The following ATRNL1 variants were observed in gnomAD, a reference collection of about 807,000 sequenced individuals.
ATRNL1 encodes attractin like 1.
ATRNL1 carries 95 observed loss-of-function variants against 182.7 expected under a neutral mutation model. The ratio of observed to expected loss-of-function variants is 0.52; its 90% CI spans 0.44 to 0.62. The LOEUF (loss-of-function observed/expected upper bound fraction) is 0.62, where lower values mean the gene tolerates loss of function less well. Ranked by LOEUF, ATRNL1 falls within the 20% of genes least tolerant of loss-of-function variation. The pLI, the probability that ATRNL1 is intolerant of heterozygous loss-of-function variation, is 0.00. For synonymous variants in ATRNL1, 576 were observed against 568.3 expected (o/e 1.01, Z -0.19); for missense variants, 1,471 against 1,679.5 (o/e 0.88, Z 2.17).
At chr10:115,744,646 CATA>C (rs1206311550) in intron 27 of ATRNL1, among the ~76,000 whole-genome samples, 3 of 151,984 alleles carry the variant, frequency 2.0e-5, no homozygotes, top group South Asian at 4.2e-4. Context: ...CTCTTTTTGC[CATA>C]ATATTTGATT....
At chr10:115,654,281 G>A (rs539316893) in intron 26 of ATRNL1, among the ~76,000 whole-genome samples, 6 of 151,464 alleles carry the variant, frequency 4.0e-5, no homozygotes, top group African/African-American at 7.3e-5. Flanking sequence ...GTGCAGTGGC[G>A]CGATCTTGGC....
intron 13 of ATRNL1, among the ~76,000 whole-genome samples, chr10:115,268,765 A>T (rs1404404762): frequency 6.6e-6 from 1 of 152,228 alleles, no homozygotes; most frequent in African/African-American, 2.4e-5. Context: ...ATAAGATTAT[A>T]TAGGTAGGTA....
At chr10:115,940,714 T>C (rs1589721635) in intron 28 of ATRNL1, among the ~76,000 whole-genome samples, 2 of 150,284 alleles carry the variant, frequency 1.3e-5, no homozygotes, top group African/African-American at 2.4e-5. Flanking sequence ...CTCTCTCTCT[T>C]TTAGTGAGTC....
chr10:115,610,625 A>AT (rs59839705), intron 26 of ATRNL1, among the ~76,000 whole-genome samples: 3,023 of 152,256 alleles, frequency 0.02, 98 homozygotes, highest in African/African-American at 0.069. Flanking sequence ...TTTGAGCCCA[A>AT]TTTTTTATCT....
rs187871447 is a variant in ATRNL1 at position 115,806,713 on chromosome 10, A to G, written c.3904-41164A>G. Among the ~76,000 whole-genome samples, 99 of 152,286 alleles carry G rather than the reference A, an allele frequency of 6.5e-4. 1 individual carries two copies. In the East Asian group the frequency reaches 6.9e-3, roughly 11 times the overall value. On this transcript the variant is annotated intron_variant, in intron 27 of 28. Coordinates refer to ENST00000355044, the MANE Select transcript of ATRNL1 (RefSeq NM_207303.4). ...TTAAGAAGGTAAATTCTAGAAACAG[A>G]CTGCCTGAGTTTAAAATCTGGCTCT...
chr10:115,599,241 A>G (rs782813558), intron 26 of ATRNL1, among the ~76,000 whole-genome samples: 6 of 152,108 alleles, frequency 3.9e-5, no homozygotes, highest in Non-Finnish European at 8.8e-5. Flanking sequence ...ACAGTCAGTT[A>G]TTTTCCTTCA....
At chr10:115,763,321 GAC>G (rs1277192570) in intron 27 of ATRNL1, among the ~76,000 whole-genome samples, 1 of 152,156 alleles carries the variant, frequency 6.6e-6, no homozygotes, top group African/African-American at 2.4e-5. Flanking sequence ...CTAAGGGAGA[GAC>G]ACAGATACTT....
intron 19 of ATRNL1, among the ~76,000 whole-genome samples, chr10:115,351,745 TTTTG>T (rs1554941419): frequency 6.6e-6 from 1 of 150,376 alleles, no homozygotes; most frequent in African/African-American, 2.4e-5. Flanking sequence ...TTTTCTTGTG[TTTTG>T]TTTTGTTTTG....
chr10:115,917,482 AAAAG>A lies in ATRNL1; in HGVS notation c.4019-27172_4019-27169del, dbSNP rs1204165581. Among the ~76,000 whole-genome samples, 3 of 8,338 alleles carry A rather than the reference AAAAG, an allele frequency of 3.6e-4. 1 individual carries two copies. The highest frequency in any genetic ancestry group is 0.014 in the South Asian group (2 of 144). The allele number at this position is 8,338 out of a possible 152,430, so 5.5% of individuals were successfully genotyped here. A position where few individuals can be genotyped will look rare whatever the true frequency, so the allele number is the denominator to read the frequency against. On this transcript the variant is annotated intron_variant, in intron 28 of 28. Coordinates refer to ENST00000355044, the MANE Select transcript of ATRNL1 (RefSeq NM_207303.4). ...AAGACTCTGTCTCAAAAAAAAAAAAAAAAGAAAAAAAAAACGGGGCCATGATATT... is the reference window on the plus strand; with the variant it reads ...AAGACTCTGTCTCAAAAAAAAAAAAAAAAAAAAAAACGGGGCCATGATATT...
intron 6 of ATRNL1, 115 bp downstream of exon 6, chr10:115,160,329 A>G (rs2065719): frequency 6.6e-6 from 6 of 915,072 alleles, no homozygotes; most frequent in Non-Finnish European, 9.8e-6. Context: ...GGTAGTGTCT[A>G]TTTGCTAGTG....
intron 5 of ATRNL1, among the ~76,000 whole-genome samples, chr10:115,145,725 A>G (rs191793529): frequency 1.3e-5 from 2 of 152,282 alleles, no homozygotes; most frequent in African/African-American, 4.8e-5. Context: ...TCATAAGACT[A>G]TATCTGGAAT....
intron 25 of ATRNL1, among the ~76,000 whole-genome samples, chr10:115,521,139 TTG>T (rs1850908364): frequency 3.0e-5 from 1 of 33,644 alleles, no homozygotes. Flanking sequence ...AAAACAACTT[TTG>T]TTGTTGTTGT....
intron 9 of ATRNL1, among the ~76,000 whole-genome samples, chr10:115,218,216 G>A (rs1261347956): frequency 4.6e-5 from 7 of 151,430 alleles, no homozygotes; most frequent in African/African-American, 1.2e-4. Flanking sequence ...CAGTGACACC[G>A]AAAGTGTTTT....
At chr10:115,880,310 C>T (rs1315270256) in intron 28 of ATRNL1, among the ~76,000 whole-genome samples, 1 of 152,122 alleles carries the variant, frequency 6.6e-6, no homozygotes, top group Non-Finnish European at 1.5e-5. Context: ...TCCCAGGCTT[C>T]GGCTAGAGAA....
intron 26 of ATRNL1, among the ~76,000 whole-genome samples, chr10:115,709,781 A>G (rs1296720661): frequency 6.6e-6 from 1 of 152,058 alleles, no homozygotes; most frequent in African/African-American, 2.4e-5. Flanking sequence ...CAAATCCTGC[A>G]CATCCTTTGT....
chr10:115,494,590 C>CA (rs1554977622), intron 24 of ATRNL1, among the ~76,000 whole-genome samples: 1 of 152,098 alleles, frequency 6.6e-6, no homozygotes, highest in African/African-American at 2.4e-5. Flanking sequence ...TTCATATATT[C>CA]AGATGATTAT....
At chr10:115,654,550 A>T (rs951356507) in intron 26 of ATRNL1, among the ~76,000 whole-genome samples, 4 of 152,146 alleles carry the variant, frequency 2.6e-5, no homozygotes, top group Non-Finnish European at 4.4e-5. Flanking sequence ...CTAATTTAAA[A>T]TGTTACCTGG....
intron 26 of ATRNL1, among the ~76,000 whole-genome samples, chr10:115,685,362 A>C (rs940747859): frequency 2.6e-5 from 4 of 151,778 alleles, no homozygotes; most frequent in Non-Finnish European, 3.0e-5. Context: ...TTATGATATA[A>C]TTTTATCATC....
chr10:115,907,321 C>A (rs1396729674), intron 28 of ATRNL1, among the ~76,000 whole-genome samples: 1 of 152,206 alleles, frequency 6.6e-6, no homozygotes, highest in Non-Finnish European at 1.5e-5. Flanking sequence ...TCTATGGTAA[C>A]CTTAACTCTT....
Sources: allele counts gnomAD v4.1 joint callset (sites outside exome capture counted in the v4.1 genomes callset), GRCh38; gene constraint gnomAD v4.1.1; transcripts MANE v1.5; gene names NCBI Gene and HGNC (gene_info 2026-07-23, HGNC 2026-07-21).